Variants in FANCC observed in about 807,000 individuals in gnomAD.
FANCC encodes the protein Fanconi anemia group C protein.
FANCC carries 55 observed loss-of-function variants against 71.3 expected under a neutral mutation model. The observed-to-expected ratio is 0.77, with a 90% CI of 0.62 to 0.97. FANCC has a LOEUF of 0.97. Ranked by LOEUF, FANCC falls within the 50% of genes least tolerant of loss-of-function variation. The pLI is 0.00. For synonymous variants in FANCC, 275 were observed against 244.9 expected (o/e 1.12, Z -1.15); for missense variants, 678 against 670.9 (o/e 1.01, Z -0.12).
intron 13 of FANCC, among the ~76,000 whole-genome samples, chr9:95,108,359 C>A (rs972751263): frequency 5.3e-5 from 8 of 152,246 alleles, no homozygotes; most frequent in Non-Finnish European, 1.2e-4. Context: ...ATGGTGTCTA[C>A]GGGAGCCCAA....
At chr9:95,158,549 A>G (rs1830570149) in intron 6 of FANCC, among the ~76,000 whole-genome samples, 1 of 152,246 alleles carries the variant, frequency 6.6e-6, no homozygotes, top group South Asian at 2.1e-4. Context: ...ATGAGAATTT[A>G]CTATTATCAA....
intron 4 of FANCC, among the ~76,000 whole-genome samples, chr9:95,229,349 C>T (rs1829841173): frequency 1.3e-5 from 2 of 148,908 alleles, no homozygotes; most frequent in South Asian, 2.2e-4. Flanking sequence ...GGAGAGCACA[C>T]ACAAAGATAC....
chr9:95,240,564 C>A, intron 4 of FANCC, 85 bp downstream of exon 4: 1 of 909,432 alleles, frequency 1.1e-6, no homozygotes. Flanking sequence ...AACTGGATTC[C>A]ACCCCACCCC....
rs533428868 is a variant in FANCC, at chr9:95,194,209, C to T, written c.346-22062G>A. Among the ~76,000 whole-genome samples, 5 of 152,198 alleles carry T rather than the reference C, an allele frequency of 3.3e-5. No homozygotes were observed. In the South Asian group the frequency reaches 8.3e-4, roughly 25 times the overall value. On this transcript the variant is annotated intron_variant, in intron 4 of 14. Transcript: ENST00000289081. ...GAGGATTACTTTGGTCATTTTCCTT[C>T]TGCTTGAAGAACAGTCTTAGTACTC...
chr9:95,272,888 G>A (rs1158701184), intron 1 of FANCC, among the ~76,000 whole-genome samples: 1 of 152,072 alleles, frequency 6.6e-6, no homozygotes, highest in Non-Finnish European at 1.5e-5. Flanking sequence ...TTGTTTTGTG[G>A]GAGTTATCAG....
At chr9:95,146,951 T>G (rs1259720755) in intron 7 of FANCC, among the ~76,000 whole-genome samples, 4 of 151,706 alleles carry the variant, frequency 2.6e-5, no homozygotes, top group African/African-American at 9.7e-5. Context: ...TAATATATAT[T>G]TTTTAATTTT....
chr9:95,294,626 T>C (rs1244768132), intron 1 of FANCC: 4 of 1,577,078 alleles, frequency 2.5e-6, no homozygotes, highest in African/African-American at 1.3e-5. Flanking sequence ...TTGAACAGTA[T>C]AGAAACACAG....
chr9:95,143,618 T>C (rs938481695), intron 7 of FANCC, among the ~76,000 whole-genome samples: 10 of 152,228 alleles, frequency 6.6e-5, no homozygotes, highest in Non-Finnish European at 1.2e-4. Flanking sequence ...CATGCCTTCA[T>C]TCTTTTTTTC....
intron 3 of FANCC, among the ~76,000 whole-genome samples, chr9:95,243,593 G>A (rs1389185476): frequency 6.6e-6 from 1 of 151,470 alleles, no homozygotes; most frequent in Admixed American, 6.6e-5. Flanking sequence ...GACCATCCTA[G>A]CTAACACGGT....
intron 7 of FANCC, among the ~76,000 whole-genome samples, chr9:95,139,049 G>A (rs1429095958): frequency 2.6e-5 from 4 of 152,164 alleles, no homozygotes; most frequent in Admixed American, 6.5e-5. Flanking sequence ...AGGAATCGCC[G>A]AAGCAGTATC....
At chr9:95,151,965 A>C (rs1235698235) in intron 6 of FANCC, among the ~76,000 whole-genome samples, 2 of 151,998 alleles carry the variant, frequency 1.3e-5, no homozygotes, top group Non-Finnish European at 2.9e-5. Flanking sequence ...CAAAACAAAA[A>C]AAAACTGCCT....
At chr9:95,151,224 C>T (rs1449769381) in intron 6 of FANCC, among the ~76,000 whole-genome samples, 2 of 152,162 alleles carry the variant, frequency 1.3e-5, no homozygotes, top group Non-Finnish European at 2.9e-5. Flanking sequence ...AGGGCAGAAG[C>T]TCTACAATGG....
intron 4 of FANCC, among the ~76,000 whole-genome samples, chr9:95,189,934 A>G (rs1564737160): frequency 2.0e-5 from 3 of 152,180 alleles, no homozygotes; most frequent in Admixed American, 1.3e-4. Context: ...CAACCCTTGA[A>G]GGGAAGGGGC....
chr9:95,261,687 G>T (rs1252170741), intron 1 of FANCC, among the ~76,000 whole-genome samples: 1 of 152,214 alleles, frequency 6.6e-6, no homozygotes, highest in Non-Finnish European at 1.5e-5. Flanking sequence ...GAAGCTGTTA[G>T]ATCCCTCAGT....
rs920064609 is a variant in FANCC at position 95,100,197 on chromosome 9, G to A, written c.*1510C>T. ...ATGAAGGCAAGGATCATGATGGCAC[G>A]AAGCATGTTATATGAAGGCAATGAC... On this transcript the variant is annotated 3_prime_UTR_variant, in exon 15 of 15. Coordinates refer to ENST00000289081, the MANE Select transcript of FANCC (RefSeq NM_000136.3). 4.5e-5 allele frequency: 10 copies of A among 223,038 alleles called. No individual in the cohort carries two copies. Among genetic ancestry groups the A allele is most frequent in the Admixed American group, 1.7e-4 (3 of 17,326 alleles). The allele number at this position is 223,038 out of a possible 1,614,324, so 13.8% of individuals were successfully genotyped here.
At chr9:95,282,008 C>A (rs1833410321) in intron 1 of FANCC, among the ~76,000 whole-genome samples, 1 of 150,504 alleles carries the variant, frequency 6.6e-6, no homozygotes, top group African/African-American at 2.4e-5. Flanking sequence ...ATCTACAAAA[C>A]TAGAAAAAAA....
intron 1 of FANCC, among the ~76,000 whole-genome samples, chr9:95,279,515 A>C (rs1387256245): frequency 2.0e-5 from 3 of 151,942 alleles, no homozygotes; most frequent in Non-Finnish European, 4.4e-5. Context: ...AAAAAAAAAA[A>C]AAACAGATAA....
intron 3 of FANCC, among the ~76,000 whole-genome samples, chr9:95,245,860 G>C (rs1025402245): frequency 1.3e-5 from 2 of 150,250 alleles, no homozygotes; most frequent in African/African-American, 4.9e-5. Flanking sequence ...TAGTGCCATT[G>C]CACTCCAGCC....
chr9:95,189,655 C>A (rs1382045510), intron 4 of FANCC, among the ~76,000 whole-genome samples: 1 of 152,110 alleles, frequency 6.6e-6, no homozygotes, highest in Non-Finnish European at 1.5e-5. Flanking sequence ...GATACACAGA[C>A]CTGGAAATGT....
Sources: allele counts gnomAD v4.1 joint callset (sites outside exome capture counted in the v4.1 genomes callset), GRCh38; gene constraint gnomAD v4.1.1; transcripts MANE v1.5; gene names NCBI Gene and HGNC (gene_info 2026-07-23, HGNC 2026-07-21).